The following SHANK2 variants were observed in gnomAD, a reference collection of about 807,000 sequenced individuals.
SHANK2 encodes SH3 and multiple ankyrin repeat domains 2, also known as SH3 and multiple ankyrin repeat domains protein 2.
A neutral mutation model predicts 133.7 loss-of-function variants in SHANK2; 43 were observed. The observed-to-expected ratio is 0.32, with a 90% CI of 0.25 to 0.41. The LOEUF (loss-of-function observed/expected upper bound fraction) is 0.41, where lower values mean the gene tolerates loss of function less well. Ranked by LOEUF, SHANK2 falls within the 10% of genes least tolerant of loss-of-function variation. The pLI is 1.00. For missense variants in SHANK2, 1,994 were observed against 2,235.8 expected (o/e 0.89, Z 2.18); for synonymous variants, 1,017 against 952.8 (o/e 1.07, Z -1.24).
intron 11 of SHANK2, among the ~76,000 whole-genome samples, chr11:70,860,743 G>A (rs910728675): frequency 2.6e-4 from 40 of 152,336 alleles, no homozygotes; most frequent in Admixed American, 6.5e-4. Context: ...GGCCTGGCGC[G>A]ATGGCTCATG....
chr11:71,113,153 G>C (rs998466811), intron 5 of SHANK2, 140 bp downstream of exon 5: 1 of 783,838 alleles, frequency 1.3e-6, no homozygotes, highest in Non-Finnish European at 2.1e-6. Flanking sequence ...CAGTCTGCCT[G>C]TACATCCCAG....
intron 11 of SHANK2, among the ~76,000 whole-genome samples, chr11:70,843,219 G>T (rs996364262): frequency 1.3e-5 from 2 of 151,112 alleles, no homozygotes; most frequent in Non-Finnish European, 3.0e-5. Context: ...CTATTAGGGT[G>T]GGCTGGGCTG....
chr11:71,245,183 T>C (rs1278817503), intron 1 of SHANK2, among the ~76,000 whole-genome samples: 3 of 151,998 alleles, frequency 2.0e-5, no homozygotes, highest in African/African-American at 7.3e-5. Flanking sequence ...TCTCATTATA[T>C]TGCCTAGGCT....
chr11:70,656,027 G>A (rs955437737), intron 17 of SHANK2, among the ~76,000 whole-genome samples: 5 of 152,090 alleles, frequency 3.3e-5, no homozygotes, highest in Admixed American at 6.5e-5. Context: ...TCCAAGTGGC[G>A]TCCCCACCTC....
rs35217416 is a variant in SHANK2, at chr11:70,794,278, G to GAA, written c.1777+4163_1777+4164dup. On this transcript the variant is annotated intron_variant, in intron 14 of 25. Coordinates refer to ENST00000601538, the MANE Select transcript of SHANK2 (RefSeq NM_012309.5). ...TCTGGGCAACAGAGACTCCGTCTCAGAAAAAAAAAAAAAAACAACATATAA... is the reference window on the plus strand; with the variant it reads ...TCTGGGCAACAGAGACTCCGTCTCAGAAAAAAAAAAAAAAAAACAACATATAA... 6.2e-3 allele frequency among the ~76,000 whole-genome samples: 834 copies of GAA among 134,820 alleles called. 9 individuals are homozygous for GAA. Among genetic ancestry groups the GAA allele is most frequent in the African/African-American group, 0.016 (561 of 34,746 alleles). The allele number at this position is 134,820 out of a possible 152,430, so 88.4% of individuals were successfully genotyped here.
chr11:70,767,695 G>C lies in SHANK2; in HGVS notation c.1777+30748C>G, dbSNP rs187773563. Among the ~76,000 whole-genome samples the C allele has an allele frequency of 7.2e-3, 1,088 of 150,958 alleles. 10 individuals carry two copies. The highest frequency in any genetic ancestry group is 0.013 in the Non-Finnish European group (875 of 67,784). ...AAGTAGATTAGTGGCTGCCAGGGGT[G>C]GGGGGGGCATGAGGAGTGACTGCTA... On this transcript the variant is annotated intron_variant, in intron 14 of 25. Transcript: ENST00000601538.
intron 14 of SHANK2, among the ~76,000 whole-genome samples, chr11:70,773,040 AT>A (rs1270582595): frequency 2.0e-5 from 3 of 152,128 alleles, no homozygotes; most frequent in African/African-American, 7.2e-5. Flanking sequence ...GGCTCCTCTA[AT>A]CCCCCAGTCT....
intron 17 of SHANK2, among the ~76,000 whole-genome samples, chr11:70,574,950 C>T (rs908875685): frequency 3.9e-5 from 6 of 152,286 alleles, no homozygotes; most frequent in East Asian, 1.9e-4. Flanking sequence ...CAGAGAGGCC[C>T]CGCTATGAGT....
chr11:71,128,770 C>T (rs573306284), intron 3 of SHANK2, among the ~76,000 whole-genome samples: 39 of 152,300 alleles, frequency 2.6e-4, no homozygotes, highest in African/African-American at 7.7e-4. Context: ...CCTGCCCCAG[C>T]CCGAGCTGCC....
At chr11:71,076,155 G>A (rs1360017708) in intron 8 of SHANK2, among the ~76,000 whole-genome samples, 2 of 152,096 alleles carry the variant, frequency 1.3e-5, no homozygotes, top group Non-Finnish European at 2.9e-5. Context: ...GGTGATGAGG[G>A]CCCCTCTGTC....
chr11:70,828,797 C>T (rs1194614522), intron 11 of SHANK2, among the ~76,000 whole-genome samples: 5 of 152,194 alleles, frequency 3.3e-5, no homozygotes, highest in Non-Finnish European at 5.9e-5. Context: ...TGCTCAGCCA[C>T]GTGAGCCCAG....
At chr11:71,249,321 C>G (rs1555125494) in intron 1 of SHANK2, among the ~76,000 whole-genome samples, 1 of 152,186 alleles carries the variant, frequency 6.6e-6, no homozygotes, top group East Asian at 1.9e-4. Flanking sequence ...TAGAAACGGA[C>G]AGGGTCAAGA....
chr11:70,925,221 A>G (rs1950410084), intron 10 of SHANK2, among the ~76,000 whole-genome samples: 1 of 152,210 alleles, frequency 6.6e-6, no homozygotes, highest in Admixed American at 6.5e-5. Flanking sequence ...GGTTAAATAT[A>G]TGCCCTATTT....
At chr11:70,747,069 C>G (rs1946655941) in intron 14 of SHANK2, among the ~76,000 whole-genome samples, 1 of 150,604 alleles carries the variant, frequency 6.6e-6, no homozygotes, top group South Asian at 2.1e-4. Context: ...TGCTCAGTCT[C>G]TTCCCCTGGC....
intron 2 of SHANK2, among the ~76,000 whole-genome samples, chr11:71,168,073 C>T (rs1361981516): frequency 4.3e-4 from 56 of 130,220 alleles, no homozygotes; most frequent in African/African-American, 1.4e-3. Context: ...TCAGACGGGG[C>T]GGTTGCCGGG....
At chr11:71,217,913 C>G (rs11827360) in intron 2 of SHANK2, among the ~76,000 whole-genome samples, 1 of 152,214 alleles carries the variant, frequency 6.6e-6, no homozygotes, top group Admixed American at 6.5e-5. Flanking sequence ...TGCAGTGGCG[C>G]GTTCTTGGCT....
Position 71,110,019 on chromosome 11 carries a change from G to A in SHANK2, c.514C>T (p.Gln172Ter), listed in dbSNP as rs1555098821. 1 of 1,551,454 alleles carries A rather than the reference G, an allele frequency of 6.4e-7. No individual in the cohort carries two copies. Among genetic ancestry groups the A allele is most frequent in the East Asian group, 2.4e-5 (1 of 40,920 alleles). ...GTGATCTTCTCCACCAAGCGATGCT[G>A]AATGTGATCCATGCATTTCTTCAGA... Reference protein sequence around the residue: ...TNLKKCMDHIQHRLVEKITKM... With the variant: ...TNLKKCMDHI The change falls in exon 6 of 26, where the codon CAG becomes TAG. Residue 172 changes from glutamine (Q) to a stop codon, truncating the protein, a stop_gained. Transcript: ENST00000601538. LOFTEE classifies it high-confidence loss of function.
intron 1 of SHANK2, among the ~76,000 whole-genome samples, chr11:71,227,060 C>G (rs1338312704): frequency 2.0e-5 from 3 of 151,950 alleles, no homozygotes; most frequent in African/African-American, 7.2e-5. Context: ...TGATATAATG[C>G]CTAGAGCAAC....
chr11:70,863,209 C>T, intron 11 of SHANK2: 1 of 405,888 alleles, frequency 2.5e-6, no homozygotes, highest in Non-Finnish European at 5.0e-6. Context: ...GAGGGGTTGG[C>T]CTGGGTTGAG....
Sources: allele counts gnomAD v4.1 joint callset (sites outside exome capture counted in the v4.1 genomes callset), GRCh38; gene constraint gnomAD v4.1.1; transcripts MANE v1.5; gene names NCBI Gene and HGNC (gene_info 2026-07-23, HGNC 2026-07-21).